The following HOOK3 variants were observed in gnomAD, a reference collection of about 807,000 sequenced individuals.
HOOK3 encodes the protein hook microtubule tethering protein 3.
In HOOK3, 24 loss-of-function variants were observed where a neutral mutation model predicts 116.3. The ratio of observed to expected loss-of-function variants is 0.21; its 90% CI spans 0.15 to 0.29. The LOEUF is 0.29. Among genes scored for constraint, HOOK3 ranks in the 10% least tolerant of loss-of-function variants. The pLI is 1.00. For synonymous variants in HOOK3, 275 were observed against 283.0 expected (o/e 0.97, Z 0.28); for missense variants, 632 against 830.2 (o/e 0.76, Z 2.93).
In HOOK3 at chr8:42,946,763, C is replaced by CTTTTTTTTTTTTTTT. The variant is rs34564365; in HGVS notation, c.400+3325_400+3339dup. Among the ~76,000 whole-genome samples, 42 of 73,918 alleles carry CTTTTTTTTTTTTTTT rather than the reference C, an allele frequency of 5.7e-4. 1 individual carries two copies. Among genetic ancestry groups the CTTTTTTTTTTTTTTT allele is most frequent in the Non-Finnish European group, 6.2e-4 (25 of 40,582 alleles). The allele number at this position is 73,918 out of a possible 152,430, so 48.5% of individuals were successfully genotyped here. A position where few individuals can be genotyped will look rare whatever the true frequency, so the allele number is the denominator to read the frequency against. Reference sequence around the variant, plus strand: ...TTATCATACCATTTTCTCTTTCTTTCTTTTTTTTTTTTTTTTTTTTTCTGG... The same window carrying CTTTTTTTTTTTTTTT: ...TTATCATACCATTTTCTCTTTCTTTCTTTTTTTTTTTTTTTTTTTTTTTTTTTTTTTTTTTTCTGG... On this transcript the variant is annotated intron_variant, in intron 5 of 21. Transcript: ENST00000307602.
At chr8:42,972,606 G>A (rs751928385) in intron 11 of HOOK3, among the ~76,000 whole-genome samples, 35 of 152,096 alleles carry the variant, frequency 2.3e-4, no homozygotes, top group Non-Finnish European at 4.3e-4. Flanking sequence ...TCACTATGCT[G>A]CCTTGTCTGG....
Position 43,029,428 on chromosome 8 carries a change from A to G in HOOK3, c.*10930A>G. On this transcript the variant is annotated 3_prime_UTR_variant, in exon 22 of 22. Coordinates refer to ENST00000307602, the MANE Select transcript of HOOK3 (RefSeq NM_032410.4). The stretch of plus-strand genomic sequence containing the variant: ...CTCCTGAAGTGCTGGGATTACAGGC[A>G]TGAGCCACTGCGCCCGGCCCAAATC... 1 of 174,782 alleles carries G rather than the reference A, an allele frequency of 5.7e-6. No homozygotes were observed. Among genetic ancestry groups the G allele is most frequent in the Non-Finnish European group, 1.2e-5 (1 of 80,850 alleles). The allele number at this position is 174,782 out of a possible 1,614,324, so 10.8% of individuals were successfully genotyped here.
At chr8:42,959,718 G>GAAAAAAAAAAAAAAAAAAAAA (rs529721762) in intron 8 of HOOK3, among the ~76,000 whole-genome samples, 1 of 29,042 alleles carries the variant, frequency 3.4e-5, no homozygotes, top group Non-Finnish European at 6.4e-5. Flanking sequence ...GACTACATCT[G>GAAAAAAAAAAAAAAAAAAAAA]AAAAAAAAAA....
chr8:42,943,093 C>T (rs1027643323), intron 4 of HOOK3, among the ~76,000 whole-genome samples: 4 of 150,748 alleles, frequency 2.7e-5, no homozygotes, highest in African/African-American at 4.9e-5. Flanking sequence ...TTTTTTTGCT[C>T]GATGTACATG....
intron 13 of HOOK3, among the ~76,000 whole-genome samples, chr8:42,981,744 C>G (rs749677803): frequency 8.6e-5 from 13 of 150,584 alleles, no homozygotes; most frequent in Non-Finnish European, 1.5e-5. Flanking sequence ...ATTAGCTGGG[C>G]GTGGTGGTGG....
intron 15 of HOOK3, among the ~76,000 whole-genome samples, chr8:42,990,560 T>G (rs1386504876): frequency 6.6e-6 from 1 of 151,312 alleles, no homozygotes; most frequent in Non-Finnish European, 1.5e-5. Flanking sequence ...AGGCTAGTCT[T>G]AAACTCCTGG....
chr8:42,983,641 G>T (rs987898384), intron 14 of HOOK3, among the ~76,000 whole-genome samples: 2 of 151,970 alleles, frequency 1.3e-5, no homozygotes, highest in Non-Finnish European at 2.9e-5. Flanking sequence ...GTGCCACCAC[G>T]CCTGGCTATT....
chr8:42,904,363 GC>G, intron 1 of HOOK3, among the ~76,000 whole-genome samples: 1 of 146,290 alleles, frequency 6.8e-6, no homozygotes, highest in Admixed American at 6.9e-5. Flanking sequence ...AGGCTGGAGT[GC>G]AGTGGCATGA....
intron 15 of HOOK3, 35 bp downstream of exon 15, chr8:42,986,830 G>A: frequency 6.2e-7 from 1 of 1,602,254 alleles, no homozygotes. Context: ...CTGGCTATAA[G>A]TTTTCCCTAT....
intron 1 of HOOK3, among the ~76,000 whole-genome samples, chr8:42,900,660 G>A (rs1554507629): frequency 6.6e-6 from 1 of 152,206 alleles, no homozygotes; most frequent in Non-Finnish European, 1.5e-5. Context: ...TACTTAAAAA[G>A]ATAGTATAGC....
intron 18 of HOOK3, among the ~76,000 whole-genome samples, chr8:43,009,017 T>C: frequency 6.6e-6 from 1 of 152,136 alleles, no homozygotes; most frequent in Non-Finnish European, 1.5e-5. Context: ...ATGCCTGTAA[T>C]CCTAGCAATT....
Position 43,002,112 on chromosome 8 carries a change from C to A in HOOK3, c.1626C>A (p.Val542=). ...QDQGSKAEDS[V]LLKKKLEEHL... is the part of the protein sequence containing the mutation. ...ATTTTGTTTTTCATTTTTAGTCAGT[C>A]CTTCTAAAAAAGAAGCTTGAAGAAC... Residue 542 remains valine, a synonymous_variant, in exon 17 of 22, where the codon GTC becomes GTA. Transcript: ENST00000307602. 6.3e-7 allele frequency: 1 copy of A among 1,581,938 alleles called. No homozygotes were observed. Among genetic ancestry groups the A allele is most frequent in the South Asian group, 1.1e-5 (1 of 89,892 alleles).
chr8:43,005,087 A>ATGATGTGTTTAG lies in HOOK3; in HGVS notation c.1656-2757_1656-2756insTGTGTTTAGTGA, dbSNP rs534018606. 4.7e-3 allele frequency among the ~76,000 whole-genome samples: 711 copies of ATGATGTGTTTAG among 152,168 alleles called. 10 individuals are homozygous for ATGATGTGTTTAG. The highest frequency in any genetic ancestry group is 0.016 in the African/African-American group (678 of 41,524). ...AACCATGGCTAATACATCAACACAG[A>ATGATGTGTTTAG]TGAACCTCAAGAACATAGTGTTTAG... is the stretch of plus-strand genomic sequence containing the variant. On this transcript the variant is annotated intron_variant, in intron 17 of 21. Coordinates refer to ENST00000307602, the MANE Select transcript of HOOK3 (RefSeq NM_032410.4).
chr8:43,001,103 A>C (rs1438878208), intron 16 of HOOK3: 1 of 143,094 alleles, frequency 7.0e-6, no homozygotes, highest in Non-Finnish European at 1.5e-5. Context: ...TCCTGTCTCT[A>C]TTTTTTTTTT....
At chr8:42,980,928 C>G (rs940238129) in intron 13 of HOOK3, among the ~76,000 whole-genome samples, 3 of 152,048 alleles carry the variant, frequency 2.0e-5, no homozygotes, top group Non-Finnish European at 4.4e-5. Flanking sequence ...CATGCTCAAC[C>G]CCTTCATCAT....
rs1243477757 is a variant in HOOK3 at position 42,994,948 on chromosome 8, A to G, written c.1533-2602A>G. 3.3e-5 allele frequency among the ~76,000 whole-genome samples: 5 copies of G among 152,380 alleles called. 1 individual carries two copies. Among genetic ancestry groups the G allele is most frequent in the Admixed American group, 2.6e-4 (4 of 15,302 alleles). On this transcript the variant is annotated intron_variant, in intron 15 of 21. Transcript: ENST00000307602. ...AAAAATGACTAAGATGGATAGTTGA[A>G]ATAATCTTTTAGTTGAATACATATT...
Position 42,936,060 on chromosome 8 carries a change from AT to A in HOOK3, c.267+5891del, listed in dbSNP as rs531695690. On this transcript the variant is annotated intron_variant, in intron 4 of 21. Coordinates refer to ENST00000307602, the MANE Select transcript of HOOK3 (RefSeq NM_032410.4). Reference sequence around the variant, plus strand: ...TGTTCATTTGTTTGTGTCCTCTCTTATTTCCTTGAGCAGTGGTTTGTAGTTC... The same window carrying A: ...TGTTCATTTGTTTGTGTCCTCTCTTATTCCTTGAGCAGTGGTTTGTAGTTC... Among the ~76,000 whole-genome samples, 620 of 152,202 alleles carry A rather than the reference AT, an allele frequency of 4.1e-3. 7 individuals carry two copies. Among genetic ancestry groups the A allele is most frequent in the Middle Eastern group, 0.017 (5 of 292 alleles).
rs199683481 is a variant in HOOK3, at chr8:42,930,213, C to A, written c.267+41C>A. ...TCATTCTGCTTAGAAGTGTTACTATCGGATAGTTTAATTTTATAATAGTTT... is the reference window on the plus strand; with the variant it reads ...TCATTCTGCTTAGAAGTGTTACTATAGGATAGTTTAATTTTATAATAGTTT... On this transcript the variant is annotated intron_variant, in intron 4 of 21. Transcript: ENST00000307602. The A allele has an allele frequency of 1.1e-4, 164 of 1,444,812 alleles. No individual in the cohort carries two copies. The Middle Eastern group carries it at 2.1e-3, about 18-fold the overall frequency. 89.5% of individuals were successfully genotyped at this position (1,444,812 alleles called of 1,614,324 possible).
intron 2 of HOOK3, 84 bp from the exon 3 acceptor site, chr8:42,925,473 G>A (rs1807746801): frequency 1.2e-6 from 1 of 862,942 alleles, no homozygotes; most frequent in Non-Finnish European, 1.8e-6. Context: ...GCAGTTAAGT[G>A]ATTATATGGG....
Sources: allele counts gnomAD v4.1 joint callset (sites outside exome capture counted in the v4.1 genomes callset), GRCh38; gene constraint gnomAD v4.1.1; transcripts MANE v1.5; gene names NCBI Gene and HGNC (gene_info 2026-07-23, HGNC 2026-07-21).